Variants in CDAN1 observed in about 807,000 individuals in gnomAD.
CDAN1 encodes the protein codanin-1.
Under a neutral mutation model 139.8 loss-of-function variants are expected in CDAN1, and 107 were observed. The ratio of observed to expected loss-of-function variants is 0.77; its 90% confidence interval spans 0.65 to 0.90. CDAN1 has a LOEUF of 0.90. CDAN1 is among the 40% of genes least tolerant of loss of function. CDAN1 has a pLI of 0.00. For synonymous variants in CDAN1, 776 were observed against 660.6 expected, an observed-to-expected ratio of 1.17 and a Z score of -2.68; for missense variants, 1,667 against 1,575.7, an observed-to-expected ratio of 1.06 and a Z score of -0.98.
At chr15:42,724,733 C>G (rs2061500019) in intron 27 of CDAN1, 117 bp from the exon 28 acceptor site, 1 of 1,250,072 alleles carries the variant, frequency 8.0e-7, no homozygotes, top group Non-Finnish European at 1.1e-6. Context: ...AACTGCCCTC[C>G]ACACTGAAAT....
At chr15:42,724,768 T>C in intron 27 of CDAN1, 152 bp from the exon 28 acceptor site, 1 of 1,030,616 alleles carries the variant, frequency 9.7e-7, no homozygotes. Context: ...GTCTGTTTGT[T>C]AGTACTCTGG....
rs1185699233 is a variant in CDAN1 at position 42,736,003 on chromosome 15, G to A, written c.645C>T (p.Phe215=). Residue 215 remains phenylalanine (F), a synonymous_variant, in exon 3 of 28, where the codon TTC becomes TTT. Coordinates refer to ENST00000356231, the MANE Select transcript of CDAN1 (RefSeq NM_138477.4). ...GGACACAGCTGATTGGGGGTGAGGT[G>A]AAGCAGGTCTTGGGCTTGGAGAGTG... ...ERSLSKPKTC[F]TSPPISCVPS... is the part of the protein sequence containing the mutation. 2.5e-6 allele frequency: 4 copies of A among 1,614,210 alleles called. No individual in the cohort carries two copies. Among genetic ancestry groups the A allele is most frequent in the South Asian group, 2.2e-5 (2 of 91,088 alleles).
intron 15 of CDAN1, 80 bp from the exon 16 acceptor site, chr15:42,729,965 T>C: frequency 1.1e-6 from 1 of 872,202 alleles, no homozygotes; most frequent in East Asian, 6.2e-5. Context: ...TCCCAGGGTG[T>C]AGGCGCCAGC....
At chr15:42,733,259 T>A (rs2061640988) in intron 8 of CDAN1, 73 bp from the exon 9 acceptor site, 4 of 1,262,172 alleles carry the variant, frequency 3.2e-6, no homozygotes, top group Non-Finnish European at 4.6e-6. Flanking sequence ...GGAAGAACTA[T>A]CCGTAGCCCA....
At chr15:42,726,061 C>A (rs765932895) in intron 25 of CDAN1, 36 bp downstream of exon 25, 21 of 1,577,550 alleles carry the variant, frequency 1.3e-5, no homozygotes, top group Middle Eastern at 1.7e-4. Context: ...TTTGGGGGAT[C>A]AGGCAAGAGA....
At chr15:42,730,060 A>G in intron 15 of CDAN1, 68 bp downstream of exon 15, 2 of 1,455,460 alleles carry the variant, frequency 1.4e-6, no homozygotes, top group South Asian at 2.3e-5. Flanking sequence ...ATTCGCACTC[A>G]GACATTTGCC....
intron 10 of CDAN1, among the ~76,000 whole-genome samples, chr15:42,732,110 C>T (rs1217641008): frequency 6.6e-6 from 1 of 152,216 alleles, no homozygotes; most frequent in Non-Finnish European, 1.5e-5. Flanking sequence ...GGGAAGGCAG[C>T]AGCAGGCTAG....
chr15:42,726,727 C>T (rs1306162984), intron 23 of CDAN1: 1 of 448,658 alleles, frequency 2.2e-6, no homozygotes, highest in Non-Finnish European at 4.0e-6. Context: ...GCATCTTATT[C>T]TTGAAGCATG....
intron 8 of CDAN1, among the ~76,000 whole-genome samples, chr15:42,733,466 G>A (rs1240041685): frequency 6.6e-6 from 1 of 152,108 alleles, no homozygotes; most frequent in Non-Finnish European, 1.5e-5. Context: ...TAGTAGAGAC[G>A]GAGTTTCACC....
At position 42,724,627 on chromosome 15, in the gene CDAN1, T is replaced by C. The variant is rs375128684; in HGVS notation, c.3559-11A>G. ...TTCTTCAGCAAAGTCCTGGAATACA[T>C]AGAAAGATGAGGGAAAAGGCAGCAT... On this transcript the variant is annotated splice_polypyrimidine_tract_variant and intron_variant, in intron 27 of 27. Coordinates refer to ENST00000356231, the MANE Select transcript of CDAN1 (RefSeq NM_138477.4). 4.1e-5 allele frequency: 63 copies of C among 1,551,838 alleles called. No individual in the cohort carries two copies. Among genetic ancestry groups the C allele is most frequent in the Non-Finnish European group, 5.1e-5 (59 of 1,146,926 alleles).
chr15:42,736,843 G>A, intron 1 of CDAN1, 63 bp from the exon 2 acceptor site: 1 of 1,462,636 alleles, frequency 6.8e-7, no homozygotes, highest in South Asian at 1.3e-5. Context: ...GCCGTGAGCA[G>A]CCGGGGCCGT....
intron 18 of CDAN1, 42 bp downstream of exon 18, chr15:42,729,187 C>G (rs775320629): frequency 6.2e-7 from 1 of 1,610,902 alleles, no homozygotes; most frequent in Non-Finnish European, 8.5e-7. Flanking sequence ...CGCCCCCAAC[C>G]CCCCCTCATT....
At chr15:42,725,330 C>T (rs905842249) in intron 26 of CDAN1, 79 bp from the exon 27 acceptor site, 6 of 1,501,062 alleles carry the variant, frequency 4.0e-6, no homozygotes, top group South Asian at 1.1e-5. Flanking sequence ...TCTCAAAGGG[C>T]AGAGCTGCTG....
chr15:42,728,590 G>A (rs2061564070), intron 20 of CDAN1, 62 bp downstream of exon 20: 2 of 1,597,654 alleles, frequency 1.3e-6, no homozygotes, highest in Non-Finnish European at 1.7e-6. Flanking sequence ...AAGTGTGAAG[G>A]AGGAAAGAAA....
Position 42,724,277 on chromosome 15 carries a change from A to C in CDAN1, c.*214T>G. 1.7e-6 allele frequency: 1 copy of C among 591,554 alleles called. No homozygotes were observed. Among genetic ancestry groups the C allele is most frequent in the Non-Finnish European group, 3.0e-6 (1 of 333,408 alleles). 36.6% of individuals were successfully genotyped at this position (591,554 alleles called of 1,614,324 possible). ...TCTACTCCAGGACTGGCATCTCTGG[A>C]CTTTTCTGCCATAATCCCAAATCAG... On this transcript the variant is annotated 3_prime_UTR_variant, in exon 28 of 28. Coordinates refer to ENST00000356231, the MANE Select transcript of CDAN1 (RefSeq NM_138477.4).
In CDAN1 at chr15:42,730,142, C is replaced by G; in HGVS notation, c.2248G>C (p.Gly750Arg). The G allele has an allele frequency of 6.2e-7, 1 of 1,614,196 alleles. No homozygotes were observed. The highest frequency in any genetic ancestry group is 8.5e-7 in the Non-Finnish European group (1 of 1,180,026). ...LNKLLLLAVL[G>R]WLFQIPTVPE... ...ACTCTGCCCACCTGGAAAAGCCAGC[C>G]CAGGACAGCAAGTAGCAGCAGCTTG... The change falls in exon 15 of 28, where the codon GGC (glycine) becomes CGC (arginine). Residue 750 changes from glycine to arginine, a missense_variant. Gly to Arg is a moderately radical substitution (Grantham distance 125). Coordinates refer to ENST00000356231, the MANE Select transcript of CDAN1 (RefSeq NM_138477.4).
At position 42,728,130 on chromosome 15, in the gene CDAN1, C is replaced by A. The variant is rs141236475; in HGVS notation, c.2868+74G>T. 3.1e-5 allele frequency: 49 copies of A among 1,591,784 alleles called. No individual in the cohort carries two copies. The East Asian group carries it at 1.1e-3, about 35-fold the overall frequency. Reference sequence around the variant, plus strand: ...CTGACCCCGCCCCCACACACCCTCCCGCAGCCTCAGACTACTCCGTGCACC... The same window carrying A: ...CTGACCCCGCCCCCACACACCCTCCAGCAGCCTCAGACTACTCCGTGCACC... On this transcript the variant is annotated intron_variant, in intron 21 of 27. Coordinates refer to ENST00000356231, the MANE Select transcript of CDAN1 (RefSeq NM_138477.4).
At chr15:42,734,386 A>T in intron 6 of CDAN1, 40 bp from the exon 7 acceptor site, 2 of 1,613,228 alleles carry the variant, frequency 1.2e-6, no homozygotes, top group Non-Finnish European at 8.5e-7. Flanking sequence ...ACCAGAACAC[A>T]GACTGCAAGT....
Position 42,727,486 on chromosome 15 carries a change from G to T in CDAN1, c.3096+135C>A, listed in dbSNP as rs1384064957. On this transcript the variant is annotated intron_variant, in intron 23 of 27. Coordinates refer to ENST00000356231, the MANE Select transcript of CDAN1 (RefSeq NM_138477.4). Reference sequence around the variant, plus strand: ...CTACCTAACCCCCATTCAGTAATGAGTGAAACGGGGACTAGCTGGACAGCA... The same window carrying T: ...CTACCTAACCCCCATTCAGTAATGATTGAAACGGGGACTAGCTGGACAGCA... The T allele has an allele frequency of 7.6e-6, 6 of 789,438 alleles. No individual in the cohort carries two copies. The East Asian group carries it at 1.7e-4, about 22-fold the overall frequency. 48.9% of individuals were successfully genotyped at this position (789,438 alleles called of 1,614,324 possible).
Sources: allele counts gnomAD v4.1 joint callset (sites outside exome capture counted in the v4.1 genomes callset), GRCh38; gene constraint gnomAD v4.1.1; transcripts MANE v1.5; gene names NCBI Gene and HGNC (gene_info 2026-07-23, HGNC 2026-07-21).